Variants in CLIP2 observed in about 807,000 individuals in gnomAD.
The protein encoded by CLIP2 is CAP-Gly domain containing linker protein 2, also known as CAP-Gly domain-containing linker protein 2.
CLIP2 carries 41 observed loss-of-function variants against 111.7 expected under a neutral mutation model. That is an observed-to-expected ratio of 0.37 (90% CI 0.29 to 0.48). CLIP2 has a LOEUF of 0.48. Among genes scored for constraint, CLIP2 ranks in the 20% least tolerant of loss-of-function variants. The probability of loss-of-function intolerance (pLI) is 0.99; values close to 1 mark genes in which losing one functional copy is unlikely to be tolerated. For missense variants in CLIP2, 1,160 were observed against 1,422.1 expected (o/e 0.82, Z 2.96); for synonymous variants, 660 against 644.2 (o/e 1.02, Z -0.37).
At chr7:74,315,024 C>T (rs997741025) in intron 1 of CLIP2, among the ~76,000 whole-genome samples, 3 of 152,236 alleles carry the variant, frequency 2.0e-5, no homozygotes, top group Admixed American at 1.3e-4. Flanking sequence ...CGCCTGTAAT[C>T]CCAGCACTTT....
At chr7:74,328,091 G>T (rs1217245222) in intron 2 of CLIP2, among the ~76,000 whole-genome samples, 1 of 152,130 alleles carries the variant, frequency 6.6e-6, no homozygotes, top group Non-Finnish European at 1.5e-5. Flanking sequence ...TGGGCCTGGG[G>T]TGACCACAGG....
At chr7:74,320,366 T>TA (rs545792007) in intron 2 of CLIP2, among the ~76,000 whole-genome samples, 6 of 149,552 alleles carry the variant, frequency 4.0e-5, no homozygotes, top group South Asian at 2.1e-4. Context: ...CATCTCTACT[T>TA]AAAAAAAAAA....
At chr7:74,325,263 G>A (rs1554730540) in intron 2 of CLIP2, among the ~76,000 whole-genome samples, 1 of 152,180 alleles carries the variant, frequency 6.6e-6, no homozygotes. Flanking sequence ...TCTCACGCTA[G>A]GAGGTGGTGC....
At chr7:74,304,986 A>G (rs1455108933) in intron 1 of CLIP2, among the ~76,000 whole-genome samples, 1 of 152,068 alleles carries the variant, frequency 6.6e-6, no homozygotes, top group Admixed American at 6.6e-5. Context: ...AAATAAATAA[A>G]TAAAGTCCCC....
At chr7:74,323,081 TTTTATTTATTTATTTATTTATTTATTTA>T (rs58819810) in intron 2 of CLIP2, among the ~76,000 whole-genome samples, 73 of 144,834 alleles carry the variant, frequency 5.0e-4, no homozygotes, top group Non-Finnish European at 3.9e-4. Context: ...TTTAGCTATG[TTTTATTTATTTATTTATTTATTTATTTA>T]TTTATTTATT....
Position 74,292,426 on chromosome 7 carries a change from G to A in CLIP2, c.-68+2692G>A, listed in dbSNP as rs536957748. Reference sequence around the variant, plus strand: ...TTTTGAGACAGCATCTTGCTCTGTCGCCCAGGCTGGAGTGCAGTGGTGCCA... The same window carrying A: ...TTTTGAGACAGCATCTTGCTCTGTCACCCAGGCTGGAGTGCAGTGGTGCCA... On this transcript the variant is annotated intron_variant, in intron 1 of 16. Coordinates refer to ENST00000223398, the MANE Select transcript of CLIP2 (RefSeq NM_003388.5). Among the ~76,000 whole-genome samples, 18 of 152,118 alleles carry A rather than the reference G, an allele frequency of 1.2e-4. No homozygotes were observed. In the South Asian group the frequency reaches 2.1e-3, roughly 18 times the overall value.
intron 9 of CLIP2, among the ~76,000 whole-genome samples, chr7:74,373,804 G>A (rs1307423515): frequency 1.3e-5 from 2 of 152,072 alleles, no homozygotes; most frequent in Admixed American, 6.6e-5. Flanking sequence ...ATCTCTTCCC[G>A]GTTTCTCTGG....
intron 2 of CLIP2, among the ~76,000 whole-genome samples, chr7:74,334,652 C>T (rs1350923437): frequency 1.3e-5 from 2 of 152,034 alleles, no homozygotes; most frequent in Admixed American, 1.3e-4. Context: ...TAGGAGCTGG[C>T]ACCTGCCAGG....
intron 12 of CLIP2, among the ~76,000 whole-genome samples, chr7:74,387,472 A>T (rs1554314991): frequency 6.6e-6 from 1 of 152,138 alleles, no homozygotes; most frequent in East Asian, 1.9e-4. Flanking sequence ...GCTGGTCTCC[A>T]ACTCCTGAGC....
chr7:74,400,622 T>TCGGG, intron 15 of CLIP2, 67 bp downstream of exon 15: 2 of 1,414,500 alleles, frequency 1.4e-6, no homozygotes, highest in South Asian at 2.9e-5. Context: ...AGCCCCCGTC[T>TCGGG]GATGCGGGAG....
chr7:74,318,363 A>G (rs1461814513), intron 2 of CLIP2, among the ~76,000 whole-genome samples: 1 of 152,048 alleles, frequency 6.6e-6, no homozygotes, highest in Non-Finnish European at 1.5e-5. Flanking sequence ...TTAAACCAAG[A>G]TGAGTATGAT....
chr7:74,343,952 A>G (rs1789735629), intron 3 of CLIP2, among the ~76,000 whole-genome samples: 1 of 152,034 alleles, frequency 6.6e-6, no homozygotes, highest in African/African-American at 2.4e-5. Flanking sequence ...GATGAGTCAT[A>G]GTCTGCAAGG....
At chr7:74,313,174 G>A (rs921347467) in intron 1 of CLIP2, among the ~76,000 whole-genome samples, 18 of 151,988 alleles carry the variant, frequency 1.2e-4, no homozygotes, top group Middle Eastern at 3.4e-3. Context: ...AAACTTAGCC[G>A]GGGCAGGGGA....
intron 3 of CLIP2, among the ~76,000 whole-genome samples, chr7:74,352,168 G>A (rs951671734): frequency 2.6e-5 from 4 of 152,242 alleles, no homozygotes; most frequent in Middle Eastern, 3.4e-3. Context: ...AGGTGCAGTG[G>A]CTCACACCTG....
At chr7:74,342,631 G>T (rs983876199) in intron 3 of CLIP2, among the ~76,000 whole-genome samples, 15 of 152,010 alleles carry the variant, frequency 9.9e-5, no homozygotes, top group African/African-American at 2.9e-4. Flanking sequence ...AGTGGAGCAG[G>T]GGCCGTGTGC....
intron 3 of CLIP2, 33 bp from the exon 4 acceptor site, chr7:74,353,847 C>A: frequency 6.2e-7 from 1 of 1,613,964 alleles, no homozygotes; most frequent in Non-Finnish European, 8.5e-7. Context: ...GCCACTGCAT[C>A]CTCTAGACCT....
At chr7:74,371,694 A>G (rs1790629710) in intron 8 of CLIP2, among the ~76,000 whole-genome samples, 2 of 137,548 alleles carry the variant, frequency 1.5e-5, no homozygotes, top group Admixed American at 7.3e-5. Flanking sequence ...CGGGGGGGAG[A>G]AAGAAGAGAG....
chr7:74,399,768 G>T (rs1791566714), intron 14 of CLIP2, among the ~76,000 whole-genome samples: 1 of 151,878 alleles, frequency 6.6e-6, no homozygotes, highest in Admixed American at 6.6e-5. Flanking sequence ...TCGAACTCCT[G>T]ACCTCAGGTG....
chr7:74,356,371 G>A, intron 4 of CLIP2, 39 bp from the exon 5 acceptor site: 1 of 1,574,070 alleles, frequency 6.4e-7, no homozygotes, highest in Non-Finnish European at 8.7e-7. Context: ...CCAGGCTTTG[G>A]GGCCGTGACA....
Sources: allele counts gnomAD v4.1 joint callset (sites outside exome capture counted in the v4.1 genomes callset), GRCh38; gene constraint gnomAD v4.1.1; transcripts MANE v1.5; gene names NCBI Gene and HGNC (gene_info 2026-07-23, HGNC 2026-07-21).